Variants in RAD51B observed in about 807,000 individuals in gnomAD.
RAD51B encodes the protein RAD51 paralog B, also known as DNA repair protein RAD51 homolog 2.
A neutral mutation model predicts 42.2 loss-of-function variants in RAD51B; 38 were observed. The ratio of observed to expected loss-of-function variants is 0.90; its 90% CI spans 0.70 to 1.18. The LOEUF (loss-of-function observed/expected upper bound fraction) is 1.18, where lower values mean the gene tolerates loss of function less well. RAD51B is among the 50% of genes most tolerant of loss of function. RAD51B has a pLI of 0.00. For synonymous variants in RAD51B, 154 were observed against 145.2 expected (o/e 1.06, Z -0.43); for missense variants, 373 against 400.7 (o/e 0.93, Z 0.59).
intron 7 of RAD51B, among the ~76,000 whole-genome samples, chr14:67,996,678 G>A (rs903759853): frequency 2.6e-5 from 4 of 152,150 alleles, no homozygotes; most frequent in Non-Finnish European, 5.9e-5. Flanking sequence ...ACAATGGTCT[G>A]CTTATGTAGG....
chr14:67,966,706 C>T (rs371570454), intron 7 of RAD51B, among the ~76,000 whole-genome samples: 2 of 152,102 alleles, frequency 1.3e-5, no homozygotes, highest in Non-Finnish European at 2.9e-5. Flanking sequence ...TGTATGTGTA[C>T]GTGTGTGCTT....
At chr14:68,592,859 G>GCA (rs1890817502) in intron 10 of RAD51B, among the ~76,000 whole-genome samples, 1 of 152,236 alleles carries the variant, frequency 6.6e-6, no homozygotes, top group African/African-American at 2.4e-5. Flanking sequence ...TCTTGGCTCT[G>GCA]CGTGGGATAT....
intron 7 of RAD51B, among the ~76,000 whole-genome samples, chr14:67,915,282 A>AG (rs754418477): frequency 2.0e-5 from 3 of 152,160 alleles, no homozygotes; most frequent in Non-Finnish European, 4.4e-5. Context: ...TATCAGAAGA[A>AG]GGGGGGGATT....
chr14:68,322,962 G>T (rs968225157), intron 8 of RAD51B, among the ~76,000 whole-genome samples: 7 of 152,186 alleles, frequency 4.6e-5, no homozygotes, highest in Non-Finnish European at 7.3e-5. Context: ...TAGATGTGTG[G>T]TGTTAATAAC....
At chr14:68,147,765 A>G (rs2078283618) in intron 7 of RAD51B, among the ~76,000 whole-genome samples, 1 of 151,220 alleles carries the variant, frequency 6.6e-6, no homozygotes, top group Non-Finnish European at 1.5e-5. Flanking sequence ...TTATTGTGAG[A>G]GTGAAACATG....
intron 7 of RAD51B, among the ~76,000 whole-genome samples, chr14:68,169,015 C>G (rs1257095673): frequency 6.6e-6 from 1 of 152,152 alleles, no homozygotes; most frequent in Non-Finnish European, 1.5e-5. Context: ...CAGTTTATTC[C>G]TGGCTCTCTC....
chr14:68,181,653 A>C (rs542910625), intron 7 of RAD51B, among the ~76,000 whole-genome samples: 1 of 152,340 alleles, frequency 6.6e-6, no homozygotes, highest in East Asian at 1.9e-4. Context: ...ATGTAAAAGG[A>C]GAATGACTGA....
intron 7 of RAD51B, among the ~76,000 whole-genome samples, chr14:68,155,195 C>CTT (rs576162765): frequency 1.4e-5 from 2 of 141,722 alleles, no homozygotes; most frequent in South Asian, 2.2e-4. Flanking sequence ...TATTATATTT[C>CTT]TTTTTTTTTT....
In RAD51B at chr14:68,410,374, G is replaced by A. The variant is rs559045709; in HGVS notation, c.854-1050G>A. Among the ~76,000 whole-genome samples, 6 of 152,302 alleles carry A rather than the reference G, an allele frequency of 3.9e-5. No homozygotes were observed. In the East Asian group the frequency reaches 7.7e-4, roughly 20 times the overall value. Reference sequence around the variant, plus strand: ...TCAGATGATGTAGTAAGGGGACAACGGATGACACATTCAAGGCCTCATTTT... The same window carrying A: ...TCAGATGATGTAGTAAGGGGACAACAGATGACACATTCAAGGCCTCATTTT... On this transcript the variant is annotated intron_variant, in intron 8 of 10. Transcript: ENST00000471583.
intron 10 of RAD51B, among the ~76,000 whole-genome samples, chr14:68,581,729 G>A (rs2140059730): frequency 1.3e-5 from 2 of 152,246 alleles, no homozygotes; most frequent in Admixed American, 1.3e-4. Context: ...AACAAACCTG[G>A]AGGCATCACG....
rs759739930 is a variant in RAD51B at position 68,635,964 on chromosome 14, AT to A, written c.1037-14806del. ...GGGAGGAAAACACATAGGACACAGC[AT>A]TTTTTTTTTTAAGTGATAGCAGTTT... On this transcript the variant is annotated intron_variant, in intron 10 of 11. Transcript: ENST00000488612. Among the ~76,000 whole-genome samples the A allele has an allele frequency of 4.5e-3, 669 of 147,586 alleles. 3 individuals carry two copies. The highest frequency in any genetic ancestry group is 0.012 in the African/African-American group (487 of 40,430).
At chr14:68,072,318 T>TA (rs998920980) in intron 7 of RAD51B, among the ~76,000 whole-genome samples, 1 of 150,844 alleles carries the variant, frequency 6.6e-6, no homozygotes, top group African/African-American at 2.4e-5. Context: ...AGTATTAACT[T>TA]ACATTATCAC....
chr14:68,525,298 A>C (rs1312794180), intron 10 of RAD51B, among the ~76,000 whole-genome samples: 3 of 152,242 alleles, frequency 2.0e-5, no homozygotes, highest in African/African-American at 7.2e-5. Flanking sequence ...CAGATGTCTT[A>C]ATTTTAGCCC....
chr14:68,668,226 G>A (rs567397991), intron 11 of RAD51B, among the ~76,000 whole-genome samples: 39 of 152,256 alleles, frequency 2.6e-4, no homozygotes, highest in African/African-American at 9.1e-4. Flanking sequence ...ACATTCCTGG[G>A]GGCATCTGTG....
chr14:68,392,054 A>G (rs1383718128), intron 8 of RAD51B, among the ~76,000 whole-genome samples: 1 of 152,232 alleles, frequency 6.6e-6, no homozygotes, highest in Non-Finnish European at 1.5e-5. Context: ...ATGAAATACT[A>G]CAGGTTTTCT....
chr14:68,399,485 C>T (rs544878024), intron 8 of RAD51B, among the ~76,000 whole-genome samples: 1 of 152,262 alleles, frequency 6.6e-6, no homozygotes, highest in South Asian at 2.1e-4. Flanking sequence ...CCTCCATCTC[C>T]TGACTTCATG....
At chr14:67,865,883 G>T (rs192187285) in intron 5 of RAD51B, among the ~76,000 whole-genome samples, 1 of 152,184 alleles carries the variant, frequency 6.6e-6, no homozygotes, top group Non-Finnish European at 1.5e-5. Flanking sequence ...AATGAATAAG[G>T]AATGATAGAA....
rs143316025 is a variant in RAD51B at position 68,377,733 on chromosome 14, C to T, written c.854-33691C>T. Among the ~76,000 whole-genome samples, 519 of 152,354 alleles carry T rather than the reference C, an allele frequency of 3.4e-3. 4 individuals are homozygous for T. Among genetic ancestry groups the T allele is most frequent in the African/African-American group, 0.012 (493 of 41,576 alleles). ...AAAAAGCTCTGCTTTCGAAATCAAGCAGCCTGGGCTTGTGCCCCGTTTTTG... is the reference window on the plus strand; with the variant it reads ...AAAAAGCTCTGCTTTCGAAATCAAGTAGCCTGGGCTTGTGCCCCGTTTTTG... On this transcript the variant is annotated intron_variant, in intron 8 of 10. Coordinates refer to ENST00000471583, the MANE Select transcript of RAD51B (RefSeq NM_133510.4).
intron 7 of RAD51B, among the ~76,000 whole-genome samples, chr14:68,097,561 C>A (rs1458965655): frequency 4.6e-5 from 7 of 152,168 alleles, no homozygotes; most frequent in Non-Finnish European, 4.4e-5. Context: ...AAAGCAGGTT[C>A]TTTTCCATTT....
Sources: allele counts gnomAD v4.1 joint callset (sites outside exome capture counted in the v4.1 genomes callset), GRCh38; gene constraint gnomAD v4.1.1; transcripts MANE v1.5; gene names NCBI Gene and HGNC (gene_info 2026-07-23, HGNC 2026-07-21).